The following BTNL8 variants were observed in gnomAD, a reference collection of about 807,000 sequenced individuals.
The protein encoded by BTNL8 is butyrophilin like 8, also known as butyrophilin-like protein 8.
BTNL8 carries 22 observed loss-of-function variants against 36.1 expected under a neutral mutation model. The ratio of observed to expected loss-of-function variants is 0.61; its 90% CI spans 0.44 to 0.87. The LOEUF (loss-of-function observed/expected upper bound fraction) is 0.87, where lower values mean the gene tolerates loss of function less well. Among genes scored for constraint, BTNL8 ranks in the 40% least tolerant of loss-of-function variants. The probability of loss-of-function intolerance (pLI) is 0.00; values close to 1 mark genes in which losing one functional copy is unlikely to be tolerated. For synonymous variants in BTNL8, 203 were observed against 235.6 expected (o/e 0.86, Z 1.27); for missense variants, 526 against 616.9 (o/e 0.85, Z 1.56).
At chr5:180,899,508 G>A in intron 1 of BTNL8, 149 bp downstream of exon 1, 1 of 899,988 alleles carries the variant, frequency 1.1e-6, no homozygotes, top group Non-Finnish European at 1.8e-6. Context: ...CAGGCGCTGT[G>A]GAAACAATTA....
At chr5:180,915,322 T>C (rs1215893362) in intron 3 of BTNL8, among the ~76,000 whole-genome samples, 1 of 152,196 alleles carries the variant, frequency 6.6e-6, no homozygotes, top group African/African-American at 2.4e-5. Flanking sequence ...CAGATGTGCA[T>C]ACAAACTTCT....
chr5:180,930,899 T>G (rs111863957), intron 3 of BTNL8, among the ~76,000 whole-genome samples: 3 of 152,152 alleles, frequency 2.0e-5, no homozygotes, highest in Admixed American at 2.0e-4. Context: ...AGGTAATTTA[T>G]AGATTCAATG....
At chr5:180,906,781 A>T (rs1757102372) in intron 1 of BTNL8, among the ~76,000 whole-genome samples, 1 of 105,796 alleles carries the variant, frequency 9.5e-6, no homozygotes, top group African/African-American at 5.4e-5. Context: ...TTCACTTATG[A>T]AGCTTAGTTT....
chr5:180,950,506 C>T lies in BTNL8; in HGVS notation c.1465C>T (p.Gln489Ter), dbSNP rs1474708574. Residue 489 changes from glutamine to a stop codon, truncating the protein, a stop_gained, in exon 8 of 8, where the codon CAG becomes TAG. Coordinates refer to ENST00000340184, the MANE Select transcript of BTNL8 (RefSeq NM_001040462.3). LOFTEE classifies it low-confidence loss of function (END_TRUNC). ...GACAAGCAACAGTGAGTCCTCCTCA[C>T]AGGCAACCACGCCCTTCCTCCCCAG... ...PETSNSESSS[Q>*]ATTPFLPRGE... 6.8e-7 allele frequency: 1 copy of T among 1,463,466 alleles called. No individual in the cohort carries two copies. The highest frequency in any genetic ancestry group is 1.9e-5 in the Admixed American group (1 of 53,470). 90.7% of individuals were successfully genotyped at this position (1,463,466 alleles called of 1,614,324 possible). A position where few individuals can be genotyped will look rare whatever the true frequency, so the allele number is the denominator to read the frequency against.
rs530868288 is a variant in BTNL8 at position 180,930,962 on chromosome 5, T to G, written c.674-16550T>G. On this transcript the variant is annotated intron_variant, in intron 3 of 7. Coordinates refer to ENST00000340184, the MANE Select transcript of BTNL8 (RefSeq NM_001040462.3). Reference sequence around the variant, plus strand: ...TCTTCACAGAATTGGAAAAAACTACTTTAAAGTTCATATGGAACCACAAAA... The same window carrying G: ...TCTTCACAGAATTGGAAAAAACTACGTTAAAGTTCATATGGAACCACAAAA... Among the ~76,000 whole-genome samples the G allele has an allele frequency of 2.2e-3, 339 of 152,302 alleles. 2 individuals are homozygous for G. The highest frequency in any genetic ancestry group is 7.9e-3 in the African/African-American group (328 of 41,566).
intron 3 of BTNL8, among the ~76,000 whole-genome samples, chr5:180,920,207 A>G (rs954909059): frequency 6.6e-6 from 1 of 152,140 alleles, no homozygotes; most frequent in Non-Finnish European, 1.5e-5. Context: ...GCACCAACCT[A>G]ATAGTAATTA....
intron 3 of BTNL8, among the ~76,000 whole-genome samples, chr5:180,918,941 G>C (rs1759981986): frequency 6.6e-6 from 1 of 152,130 alleles, no homozygotes; most frequent in Admixed American, 6.5e-5. Flanking sequence ...AGAGGCAATA[G>C]GTGGCAAATG....
chr5:180,936,526 T>C (rs1044083002), intron 3 of BTNL8, among the ~76,000 whole-genome samples: 1 of 152,018 alleles, frequency 6.6e-6, no homozygotes, highest in Non-Finnish European at 1.5e-5. Flanking sequence ...TAACCAGAGA[T>C]GAAAGACCTG....
chr5:180,906,305 T>C (rs1160387608), intron 1 of BTNL8, among the ~76,000 whole-genome samples: 2 of 140,600 alleles, frequency 1.4e-5, no homozygotes, highest in Non-Finnish European at 3.0e-5. Context: ...TTGATCTTTG[T>C]TGGTTTAAAG....
Position 180,921,715 on chromosome 5 carries a change from T to C in BTNL8, c.673+10101T>C, listed in dbSNP as rs1049494857. Among the ~76,000 whole-genome samples the C allele has an allele frequency of 7.2e-4, 108 of 150,462 alleles. 4 individuals carry two copies. The highest frequency in any genetic ancestry group is 7.4e-5 in the Non-Finnish European group (5 of 67,480). On this transcript the variant is annotated intron_variant, in intron 3 of 7. Coordinates refer to ENST00000340184, the MANE Select transcript of BTNL8 (RefSeq NM_001040462.3). ...CACACAGACACACACACAATAATTG[T>C]AATAATTATAATAAAAGGGGTAGGA...
intron 3 of BTNL8, among the ~76,000 whole-genome samples, chr5:180,930,983 C>T (rs184406315): frequency 1.2e-4 from 19 of 152,128 alleles, no homozygotes; most frequent in Non-Finnish European, 2.2e-4. Context: ...TATGGAACCA[C>T]AAAAGAGCCC....
At chr5:180,949,305 A>G (rs754733936) in intron 7 of BTNL8, 40 bp downstream of exon 7, 1 of 1,461,154 alleles carries the variant, frequency 6.8e-7, no homozygotes, top group Non-Finnish European at 9.5e-7. Flanking sequence ...ACAGAATCTC[A>G]GGTGGACATG....
chr5:180,919,952 C>T (rs886780317), intron 3 of BTNL8, among the ~76,000 whole-genome samples: 3 of 152,034 alleles, frequency 2.0e-5, no homozygotes, highest in Non-Finnish European at 4.4e-5. Context: ...TTCATACTAC[C>T]CAAATCAATT....
chr5:180,942,383 G>A (rs1759029290), intron 3 of BTNL8, among the ~76,000 whole-genome samples: 1 of 152,120 alleles, frequency 6.6e-6, no homozygotes, highest in African/African-American at 2.4e-5. Flanking sequence ...GATCTACAGA[G>A]TCAATGCAAT....
intron 3 of BTNL8, among the ~76,000 whole-genome samples, chr5:180,923,701 A>T (rs1173112304): frequency 1.3e-5 from 2 of 152,190 alleles, no homozygotes; most frequent in Admixed American, 1.3e-4. Flanking sequence ...CAGGAAGGAA[A>T]AAATAGAATG....
chr5:180,924,059 G>A (rs530985035), intron 3 of BTNL8, among the ~76,000 whole-genome samples: 7 of 152,176 alleles, frequency 4.6e-5, no homozygotes, highest in African/African-American at 1.2e-4. Flanking sequence ...CTTACTCAGC[G>A]TGGGAGGCAA....
Position 180,911,438 on chromosome 5 carries a change from A to G in BTNL8, c.497A>G (p.Lys166Arg), listed in dbSNP as rs779088856. The part of the protein sequence containing the change: ...SSGWFPRPTA[K>R]WKGPQGQDLS... ...GGCTGGTTCCCCCGGCCCACAGCGAAGTGGAAAGGTCCACAAGGACAGGAT... is the reference window on the plus strand; with the variant it reads ...GGCTGGTTCCCCCGGCCCACAGCGAGGTGGAAAGGTCCACAAGGACAGGAT... The change falls in exon 3 of 8, where the codon AAG becomes AGG. Residue 166 changes from lysine to arginine, a missense_variant. Physicochemically the swap from Lys to Arg is conservative, Grantham distance 26. Coordinates refer to ENST00000340184, the MANE Select transcript of BTNL8 (RefSeq NM_001040462.3). 4.3e-6 allele frequency: 7 copies of G among 1,614,088 alleles called. No individual in the cohort carries two copies. The African/African-American group carries it at 8.0e-5, about 18-fold the overall frequency.
intron 3 of BTNL8, among the ~76,000 whole-genome samples, chr5:180,913,838 G>A (rs987464247): frequency 6.6e-6 from 1 of 152,132 alleles, no homozygotes; most frequent in Non-Finnish European, 1.5e-5. Context: ...ATACATCTTG[G>A]GCTAGACCTT....
chr5:180,919,503 G>T (rs1460318324), intron 3 of BTNL8, among the ~76,000 whole-genome samples: 2 of 152,300 alleles, frequency 1.3e-5, no homozygotes, highest in East Asian at 3.8e-4. Context: ...TTAGGAACAA[G>T]ATAAAGGTGT....
Sources: gnomAD v4.1 joint callset for allele counts (sites outside exome capture counted in the v4.1 genomes callset) on GRCh38, gnomAD v4.1.1 for gene constraint, MANE v1.5 for transcripts, NCBI Gene and HGNC (gene_info 2026-07-23, HGNC 2026-07-21) for gene names.